The following SH3GL3 variants were observed in gnomAD, a reference collection of about 807,000 sequenced individuals.
SH3GL3 encodes the protein endophilin-A3.
Under a neutral mutation model 47.7 loss-of-function variants are expected in SH3GL3, and 33 were observed. The ratio of observed to expected loss-of-function variants is 0.69; its 90% CI spans 0.52 to 0.92. The LOEUF (loss-of-function observed/expected upper bound fraction) is 0.92. Among genes scored for constraint, SH3GL3 ranks in the 40% least tolerant of loss-of-function variants. SH3GL3 has a pLI of 0.00. For synonymous variants in SH3GL3, 155 were observed against 148.8 expected, an observed-to-expected ratio of 1.04 and a Z score of -0.30; for missense variants, 363 against 417.8, an observed-to-expected ratio of 0.87 and a Z score of 1.14.
chr15:83,627,389 G>A, the SH3GL3 span, among the ~76,000 whole-genome samples: 2 of 138,160 alleles, frequency 1.4e-5, no homozygotes, highest in Admixed American at 8.2e-5. Context: ...AGAGCAAGAT[G>A]CCGTCTCAAA....
intron 1 of SH3GL3, among the ~76,000 whole-genome samples, chr15:83,458,321 C>A (rs2040099833): frequency 2.0e-5 from 3 of 152,140 alleles, no homozygotes; most frequent in Non-Finnish European, 4.4e-5. Flanking sequence ...GAATTCCTTC[C>A]CAATTTCCAG....
intron 8 of SH3GL3, among the ~76,000 whole-genome samples, chr15:83,590,555 G>A (rs1198199642): frequency 6.6e-6 from 1 of 152,158 alleles, no homozygotes; most frequent in East Asian, 1.9e-4. Context: ...TAGTGATCTA[G>A]TTTCTCCACA....
At chr15:83,612,765 A>G (rs1333038543) in intron 8 of SH3GL3, among the ~76,000 whole-genome samples, 1 of 152,164 alleles carries the variant, frequency 6.6e-6, no homozygotes, top group Admixed American at 6.5e-5. Context: ...TCTGGATGGC[A>G]GGAAACAGCT....
Position 83,497,477 on chromosome 15 carries a change from C to T in SH3GL3, c.45+49899C>T, listed in dbSNP as rs569641013. 1.0e-3 allele frequency among the ~76,000 whole-genome samples: 155 copies of T among 152,230 alleles called. 1 individual carries two copies. Among genetic ancestry groups the T allele is most frequent in the African/African-American group, 3.6e-3 (151 of 41,534 alleles). ...CCCTTGTCCACTAGAGGCAAGGTGC[C>T]CCCTGACCCCTTCTTCCAAACATAT... On this transcript the variant is annotated intron_variant, in intron 1 of 8. Coordinates refer to ENST00000427482, the MANE Select transcript of SH3GL3 (RefSeq NM_003027.5).
At chr15:83,480,112 G>T (rs1406275229) in intron 1 of SH3GL3, among the ~76,000 whole-genome samples, 1 of 152,012 alleles carries the variant, frequency 6.6e-6, no homozygotes, top group African/African-American at 2.4e-5. Flanking sequence ...TTGTTTCTTT[G>T]GGCATCAGAT....
chr15:83,558,635 C>T (rs553751797), intron 1 of SH3GL3, among the ~76,000 whole-genome samples: 5 of 152,090 alleles, frequency 3.3e-5, no homozygotes, highest in East Asian at 1.9e-4. Flanking sequence ...TCAATAAAGC[C>T]GAGGCTGAGA....
chr15:83,610,690 G>A (rs565706574), intron 8 of SH3GL3, among the ~76,000 whole-genome samples: 2 of 152,202 alleles, frequency 1.3e-5, no homozygotes, highest in East Asian at 3.9e-4. Context: ...GCTTAATTGT[G>A]TTAAATTTGT....
At chr15:83,596,819 C>G (rs754005175) in intron 8 of SH3GL3, among the ~76,000 whole-genome samples, 3 of 151,950 alleles carry the variant, frequency 2.0e-5, no homozygotes, top group Admixed American at 1.3e-4. Context: ...CTCCTCTATT[C>G]CCTTTCTTTT....
At chr15:83,449,197 T>C (rs1409603858) in intron 1 of SH3GL3, among the ~76,000 whole-genome samples, 1 of 152,144 alleles carries the variant, frequency 6.6e-6, no homozygotes, top group African/African-American at 2.4e-5. Context: ...TAAATATTTA[T>C]TGAATAGATG....
intron 5 of SH3GL3, among the ~76,000 whole-genome samples, chr15:83,575,092 T>C (rs577191249): frequency 6.6e-6 from 1 of 152,336 alleles, no homozygotes; most frequent in East Asian, 1.9e-4. Flanking sequence ...TAGGTGTATA[T>C]GTTGGTGGGG....
chr15:83,479,124 A>G (rs1378605433), intron 1 of SH3GL3, among the ~76,000 whole-genome samples: 1 of 152,210 alleles, frequency 6.6e-6, no homozygotes, highest in East Asian at 1.9e-4. Context: ...TTTATGATGT[A>G]AGGGCCAGGT....
chr15:83,622,463 C>T (rs1213227334), downstream of SH3GL3, among the ~76,000 whole-genome samples: 2 of 152,164 alleles, frequency 1.3e-5, no homozygotes, highest in Admixed American at 1.3e-4. Context: ...TTGGTTAATA[C>T]ATAGTAAGTG....
chr15:83,571,908 T>G (rs1014105868), intron 4 of SH3GL3, among the ~76,000 whole-genome samples: 3 of 152,176 alleles, frequency 2.0e-5, no homozygotes, highest in African/African-American at 7.2e-5. Flanking sequence ...TTAACCGGAC[T>G]GAGATAGCAC....
chr15:83,565,955 A>C (rs1485908708), intron 3 of SH3GL3: 1 of 152,198 alleles, frequency 6.6e-6, no homozygotes, highest in Non-Finnish European at 1.5e-5. Flanking sequence ...GCAGGTCTAA[A>C]GTTCTTTACA....
At chr15:83,480,316 CT>C (rs1209260389) in intron 1 of SH3GL3, among the ~76,000 whole-genome samples, 3 of 152,208 alleles carry the variant, frequency 2.0e-5, no homozygotes, top group African/African-American at 7.2e-5. Context: ...GTTTTTATCA[CT>C]GTTTGTTCTA....
At chr15:83,572,724 CCT>C in intron 5 of SH3GL3, 26 bp downstream of exon 5, 1 of 1,515,182 alleles carries the variant, frequency 6.6e-7, no homozygotes, top group Non-Finnish European at 9.1e-7. Flanking sequence ...TATAAATATA[CCT>C]GTTGCTACAT....
intron 1 of SH3GL3, among the ~76,000 whole-genome samples, chr15:83,534,775 C>T (rs1363595894): frequency 6.6e-6 from 1 of 152,012 alleles, no homozygotes; most frequent in Non-Finnish European, 1.5e-5. Context: ...ATAGAATGAC[C>T]CTCAAATACC....
At chr15:83,555,196 T>G (rs1567332853) in intron 1 of SH3GL3, among the ~76,000 whole-genome samples, 1 of 152,202 alleles carries the variant, frequency 6.6e-6, no homozygotes, top group Non-Finnish European at 1.5e-5. Flanking sequence ...ATAATACTTT[T>G]TGTTTCTAAT....
At chr15:83,585,813 A>G (rs1188054104) in intron 6 of SH3GL3, among the ~76,000 whole-genome samples, 3 of 152,198 alleles carry the variant, frequency 2.0e-5, no homozygotes, top group Non-Finnish European at 2.9e-5. Flanking sequence ...ATGGAATTCA[A>G]TGTGTCTCTT....
Sources: allele counts gnomAD v4.1 joint callset (sites outside exome capture counted in the v4.1 genomes callset), GRCh38; gene constraint gnomAD v4.1.1; transcripts MANE v1.5; gene names NCBI Gene and HGNC (gene_info 2026-07-23, HGNC 2026-07-21).